Variants in ADAMTSL3 observed in about 807,000 individuals in gnomAD.
ADAMTSL3 encodes the protein ADAMTS like 3.
Under a neutral mutation model 201.7 loss-of-function variants are expected in ADAMTSL3, and 128 were observed. That is an observed-to-expected ratio of 0.63 (90% confidence interval 0.55 to 0.73). The LOEUF (loss-of-function observed/expected upper bound fraction) is 0.73. Among genes scored for constraint, ADAMTSL3 ranks in the 30% least tolerant of loss-of-function variants. ADAMTSL3 has a pLI of 0.00. For missense variants in ADAMTSL3, 1,990 were observed against 2,119.6 expected, an observed-to-expected ratio of 0.94 and a Z score of 1.20; for synonymous variants, 738 against 748.4, an observed-to-expected ratio of 0.99 and a Z score of 0.23.
intron 3 of ADAMTSL3, among the ~76,000 whole-genome samples, chr15:83,728,694 T>C (rs1290239810): frequency 6.6e-6 from 1 of 152,056 alleles, no homozygotes; most frequent in East Asian, 1.9e-4. Context: ...ATTTACATCT[T>C]ATTATACTGT....
At chr15:83,656,632 G>T (rs1324168323) in intron 2 of ADAMTSL3, among the ~76,000 whole-genome samples, 3 of 152,168 alleles carry the variant, frequency 2.0e-5, no homozygotes, top group Non-Finnish European at 2.9e-5. Context: ...TGCAGCCCCA[G>T]ATCTAAAGGC....
chr15:83,670,400 A>G (rs2061316103), intron 2 of ADAMTSL3, among the ~76,000 whole-genome samples: 1 of 152,140 alleles, frequency 6.6e-6, no homozygotes, highest in African/African-American at 2.4e-5. Context: ...GTAGAAATCC[A>G]GAAAATAATT....
intron 20 of ADAMTSL3, among the ~76,000 whole-genome samples, chr15:83,971,113 C>T (rs767674076): frequency 2.0e-5 from 3 of 152,186 alleles, no homozygotes; most frequent in Non-Finnish European, 4.4e-5. Context: ...GCAGTTTGTA[C>T]ACCTCAATTA....
chr15:83,822,324 G>A (rs1596269989), intron 6 of ADAMTSL3, among the ~76,000 whole-genome samples: 1 of 147,818 alleles, frequency 6.8e-6, no homozygotes, highest in Non-Finnish European at 1.5e-5. Context: ...CAGACGGGGC[G>A]GCTGCCGGGC....
At chr15:83,698,407 T>TG (rs931182192) in intron 2 of ADAMTSL3, among the ~76,000 whole-genome samples, 4 of 152,202 alleles carry the variant, frequency 2.6e-5, no homozygotes, top group Non-Finnish European at 5.9e-5. Context: ...CTGGAGGTGC[T>TG]GTCTGGATTC....
chr15:83,916,156 A>G (rs899370188), intron 16 of ADAMTSL3, among the ~76,000 whole-genome samples: 4 of 152,184 alleles, frequency 2.6e-5, no homozygotes, highest in Admixed American at 6.5e-5. Context: ...CAGAAATGCA[A>G]TGCAGTATTC....
At chr15:83,920,334 A>C (rs946618737) in intron 16 of ADAMTSL3, among the ~76,000 whole-genome samples, 1 of 152,184 alleles carries the variant, frequency 6.6e-6, no homozygotes, top group Non-Finnish European at 1.5e-5. Flanking sequence ...ATAATTGGTC[A>C]CTTCCGCTCA....
chr15:83,713,555 A>G (rs1368212008), intron 3 of ADAMTSL3, among the ~76,000 whole-genome samples: 1 of 152,212 alleles, frequency 6.6e-6, no homozygotes, highest in African/African-American at 2.4e-5. Context: ...CAAATGCATG[A>G]ATAATGCACA....
intron 5 of ADAMTSL3, among the ~76,000 whole-genome samples, chr15:83,818,185 A>G (rs2063798511): frequency 2.0e-5 from 3 of 152,184 alleles, no homozygotes; most frequent in Admixed American, 2.0e-4. Context: ...GTAAATAATC[A>G]AGATTTGTGT....
At chr15:83,794,806 A>G (rs77966849) in intron 4 of ADAMTSL3, among the ~76,000 whole-genome samples, 2,540 of 152,196 alleles carry the variant, frequency 0.017, 53 homozygotes, top group African/African-American at 0.056. Context: ...TGAGGGATCC[A>G]TGGGGTCTCT....
At chr15:84,008,507 C>T (rs2067939320) in intron 23 of ADAMTSL3, among the ~76,000 whole-genome samples, 1 of 152,142 alleles carries the variant, frequency 6.6e-6, no homozygotes. Context: ...TTCTACCTAC[C>T]ATAGTATCTG....
intron 2 of ADAMTSL3, among the ~76,000 whole-genome samples, chr15:83,676,352 T>G (rs550200471): frequency 6.6e-6 from 1 of 152,266 alleles, no homozygotes; most frequent in Admixed American, 6.5e-5. Context: ...TCTCAATGTT[T>G]GTGTCCATCC....
intron 27 of ADAMTSL3, among the ~76,000 whole-genome samples, chr15:84,026,264 T>G (rs184345959): frequency 4.6e-5 from 7 of 152,296 alleles, no homozygotes; most frequent in African/African-American, 1.4e-4. Flanking sequence ...GGAGAAAACA[T>G]TGTTTTAAAA....
intron 6 of ADAMTSL3, among the ~76,000 whole-genome samples, chr15:83,831,941 G>T (rs546419650): frequency 1.3e-5 from 2 of 152,298 alleles, no homozygotes; most frequent in East Asian, 3.9e-4. Context: ...AGTATTGACT[G>T]AGAGGTAGAA....
At chr15:83,670,909 G>C (rs938833525) in intron 2 of ADAMTSL3, among the ~76,000 whole-genome samples, 1 of 152,152 alleles carries the variant, frequency 6.6e-6, no homozygotes, top group African/African-American at 2.4e-5. Flanking sequence ...AGTAATTAGC[G>C]TTCTTCAGAG....
chr15:83,875,682 C>T (rs928279824), intron 9 of ADAMTSL3, among the ~76,000 whole-genome samples: 3 of 152,156 alleles, frequency 2.0e-5, no homozygotes, highest in Non-Finnish European at 4.4e-5. Context: ...ACTTGGGAGG[C>T]TGAGGCAGGA....
intron 3 of ADAMTSL3, among the ~76,000 whole-genome samples, chr15:83,733,913 AG>A (rs1010571952): frequency 6.6e-6 from 1 of 152,182 alleles, no homozygotes; most frequent in African/African-American, 2.4e-5. Context: ...AAAATGGCCC[AG>A]GGACCCCTTC....
At chr15:84,029,469 A>T (rs2068365525) in intron 27 of ADAMTSL3, among the ~76,000 whole-genome samples, 1 of 152,192 alleles carries the variant, frequency 6.6e-6, no homozygotes. Context: ...GGTAGAAGAA[A>T]TTTCTAAGCA....
Position 84,039,361 on chromosome 15 carries a change from T to G in ADAMTSL3, c.*1555T>G, listed in dbSNP as rs778111411. The G allele has an allele frequency of 3.3e-5, 5 of 152,700 alleles. No homozygotes were observed. The highest frequency in any genetic ancestry group is 6.5e-5 in the Admixed American group (1 of 15,288). 9.5% of individuals were successfully genotyped at this position (152,700 alleles called of 1,614,324 possible). A position where few individuals can be genotyped will look rare whatever the true frequency, so the allele number is the denominator to read the frequency against. Reference sequence around the variant, plus strand: ...CATATTCTGAGCACACGGTCTCTTTTGTTCTAACTTCAGCTTCACTGACAC... The same window carrying G: ...CATATTCTGAGCACACGGTCTCTTTGGTTCTAACTTCAGCTTCACTGACAC... On this transcript the variant is annotated 3_prime_UTR_variant, in exon 30 of 30. Coordinates refer to ENST00000286744, the MANE Select transcript of ADAMTSL3 (RefSeq NM_207517.3).
Sources: gnomAD v4.1 joint callset for allele counts (sites outside exome capture counted in the v4.1 genomes callset) on GRCh38, gnomAD v4.1.1 for gene constraint, MANE v1.5 for transcripts, NCBI Gene and HGNC (gene_info 2026-07-23, HGNC 2026-07-21) for gene names.